SKAP1: variants seen among roughly 807,000 people sequenced by gnomAD.
The protein encoded by SKAP1 is src kinase-associated phosphoprotein 1.
In SKAP1, 44 loss-of-function variants were observed where a neutral mutation model predicts 58.5. The observed-to-expected ratio is 0.75, with a 90% confidence interval of 0.59 to 0.97. The LOEUF is 0.97. Among genes scored for constraint, SKAP1 ranks in the 50% least tolerant of loss-of-function variants. SKAP1 has a pLI of 0.00. For missense variants in SKAP1, 390 were observed against 435.2 expected, an observed-to-expected ratio of 0.90 and a Z score of 0.92; for synonymous variants, 127 against 149.7, an observed-to-expected ratio of 0.85 and a Z score of 1.11.
At chr17:48,248,462 G>T (rs1458530104) in intron 4 of SKAP1, among the ~76,000 whole-genome samples, 1 of 152,176 alleles carries the variant, frequency 6.6e-6, no homozygotes, top group African/African-American at 2.4e-5. Flanking sequence ...AGCTACTCAT[G>T]AGGCTGAGGC....
At chr17:48,328,647 A>C (rs1188353011) in intron 4 of SKAP1, among the ~76,000 whole-genome samples, 6 of 152,190 alleles carry the variant, frequency 3.9e-5, no homozygotes, top group Non-Finnish European at 7.3e-5. Context: ...ATCTGTGCAA[A>C]TCCATTAACT....
At chr17:48,195,935 T>C (rs184404175) in intron 4 of SKAP1, among the ~76,000 whole-genome samples, 5 of 152,184 alleles carry the variant, frequency 3.3e-5, no homozygotes, top group Admixed American at 2.6e-4. Context: ...TCTAGGTCAG[T>C]AGTACAAAGA....
chr17:48,285,809 T>G (rs1227448521), intron 4 of SKAP1, among the ~76,000 whole-genome samples: 1 of 152,220 alleles, frequency 6.6e-6, no homozygotes, highest in Non-Finnish European at 1.5e-5. Context: ...CTGTTCCTTG[T>G]TTTCTCAGAC....
intron 4 of SKAP1, among the ~76,000 whole-genome samples, chr17:48,288,358 G>A (rs1344068824): frequency 6.6e-6 from 1 of 152,182 alleles, no homozygotes; most frequent in Non-Finnish European, 1.5e-5. Context: ...CACTGGCTAA[G>A]AATCTATCAA....
chr17:48,312,476 G>A (rs559193022), intron 4 of SKAP1, among the ~76,000 whole-genome samples: 42 of 152,304 alleles, frequency 2.8e-4, no homozygotes, highest in African/African-American at 1.0e-3. Context: ...TCCTCAGCAA[G>A]GGTTTCTATA....
intron 4 of SKAP1, among the ~76,000 whole-genome samples, chr17:48,340,313 T>C (rs2066634224): frequency 6.6e-6 from 1 of 152,186 alleles, no homozygotes; most frequent in Non-Finnish European, 1.5e-5. Context: ...TTTAATCAAT[T>C]AGAGCTCTTT....
intron 9 of SKAP1, among the ~76,000 whole-genome samples, chr17:48,176,475 G>A (rs1254404798): frequency 6.6e-6 from 1 of 152,104 alleles, no homozygotes; most frequent in Non-Finnish European, 1.5e-5. Flanking sequence ...TGGTGAGAGA[G>A]GGCTCAGAAA....
At chr17:48,228,067 A>G (rs1301636258) in intron 4 of SKAP1, among the ~76,000 whole-genome samples, 2 of 152,180 alleles carry the variant, frequency 1.3e-5, no homozygotes, top group East Asian at 1.9e-4. Flanking sequence ...AATATCTACA[A>G]TTAAGTTGCA....
chr17:48,226,405 T>C (rs1235449976), intron 4 of SKAP1, among the ~76,000 whole-genome samples: 1 of 152,142 alleles, frequency 6.6e-6, no homozygotes, highest in Non-Finnish European at 1.5e-5. Flanking sequence ...TTGACATGCA[T>C]GCATTTTTCT....
At chr17:48,181,786 A>C (rs2064372281) in intron 8 of SKAP1, among the ~76,000 whole-genome samples, 1 of 152,190 alleles carries the variant, frequency 6.6e-6, no homozygotes, top group Non-Finnish European at 1.5e-5. Context: ...GACCACTCCC[A>C]GATAAGGCTT....
In SKAP1 at chr17:48,239,829, TGAGAGA is replaced by T. The variant is rs143281552; in HGVS notation, c.281-50335_281-50330del. 8.9e-4 allele frequency among the ~76,000 whole-genome samples: 124 copies of T among 138,742 alleles called. 1 individual carries two copies. The highest frequency in any genetic ancestry group is 2.2e-3 in the African/African-American group (80 of 35,982). The allele number at this position is 138,742 out of a possible 152,430, so 91.0% of individuals were successfully genotyped here. ...CCACCCCCACCAACAGTAATTAGAA[TGAGAGA>T]GAGAGAGAGAGAGACAGAGAGAGAG... is the stretch of plus-strand genomic sequence containing the variant. On this transcript the variant is annotated intron_variant, in intron 4 of 12. Transcript: ENST00000336915.
chr17:48,344,824 A>C (rs1444817144), intron 4 of SKAP1, among the ~76,000 whole-genome samples: 1 of 152,210 alleles, frequency 6.6e-6, no homozygotes, highest in East Asian at 1.9e-4. Context: ...GGGAAAAAAA[A>C]CATGAATTGT....
chr17:48,408,916 A>T (rs1395725266), intron 1 of SKAP1, among the ~76,000 whole-genome samples: 12 of 152,220 alleles, frequency 7.9e-5, no homozygotes, highest in Admixed American at 7.9e-4. Flanking sequence ...TCACTACTGA[A>T]CAGCAAAGAG....
chr17:48,332,351 T>C (rs2066518035), intron 4 of SKAP1, among the ~76,000 whole-genome samples: 1 of 152,202 alleles, frequency 6.6e-6, no homozygotes, highest in African/African-American at 2.4e-5. Context: ...TATGAAATGA[T>C]AATTTAAGTT....
the SKAP1 span, among the ~76,000 whole-genome samples, chr17:48,443,940 A>AT: frequency 1.3e-5 from 2 of 152,192 alleles, no homozygotes; most frequent in South Asian, 2.1e-4. Flanking sequence ...AATTTACTTT[A>AT]TTTTTCATAA....
intron 11 of SKAP1, among the ~76,000 whole-genome samples, chr17:48,142,500 T>G (rs2063780749): frequency 6.6e-6 from 1 of 151,974 alleles, no homozygotes; most frequent in Non-Finnish European, 1.5e-5. Flanking sequence ...ACAAAAAAAC[T>G]TGTTAAATGA....
intron 4 of SKAP1, among the ~76,000 whole-genome samples, chr17:48,250,394 GTC>G (rs2065350307): frequency 7.0e-6 from 1 of 142,294 alleles, no homozygotes; most frequent in Admixed American, 7.5e-5. Context: ...CAATTCTCCT[GTC>G]TCAGCCTCCC....
At chr17:48,265,791 A>G (rs1209640198) in intron 4 of SKAP1, among the ~76,000 whole-genome samples, 1 of 152,100 alleles carries the variant, frequency 6.6e-6, no homozygotes, top group Non-Finnish European at 1.5e-5. Flanking sequence ...TGGGAGCTGT[A>G]TCTGCCCAAA....
the SKAP1 span, among the ~76,000 whole-genome samples, chr17:48,438,197 T>C: frequency 6.6e-6 from 1 of 152,198 alleles, no homozygotes; most frequent in African/African-American, 2.4e-5. Flanking sequence ...TATGCCTCAA[T>C]TTCCTCCGCT....
Sources: allele counts gnomAD v4.1 joint callset (sites outside exome capture counted in the v4.1 genomes callset), GRCh38; gene constraint gnomAD v4.1.1; transcripts MANE v1.5; gene names NCBI Gene and HGNC (gene_info 2026-07-23, HGNC 2026-07-21).